Variants in AOPEP observed in about 807,000 individuals in gnomAD.
AOPEP encodes aminopeptidase O.
A neutral mutation model predicts 98.1 loss-of-function variants in AOPEP; 77 were observed. That is an observed-to-expected ratio of 0.78 (90% confidence interval 0.65 to 0.95). The LOEUF is 0.95. Among genes scored for constraint, AOPEP ranks in the 40% least tolerant of loss-of-function variants. The probability of loss-of-function intolerance (pLI) is 0.00; values close to 1 mark genes in which losing one functional copy is unlikely to be tolerated. For synonymous variants in AOPEP, 346 were observed against 365.3 expected, an observed-to-expected ratio of 0.95 and a Z score of 0.60; for missense variants, 1,024 against 1,024.7, an observed-to-expected ratio of 1.00 and a Z score of 0.01.
At chr9:95,079,799 C>T (rs758249666) in intron 14 of AOPEP, among the ~76,000 whole-genome samples, 2 of 152,198 alleles carry the variant, frequency 1.3e-5, no homozygotes, top group Non-Finnish European at 1.5e-5. Flanking sequence ...GAACAGCATC[C>T]ACCTTTAGCT....
At chr9:94,907,417 C>G (rs1000031140) in intron 5 of AOPEP, among the ~76,000 whole-genome samples, 13 of 152,178 alleles carry the variant, frequency 8.5e-5, no homozygotes, top group African/African-American at 2.9e-4. Context: ...GGAGAGCCGT[C>G]TTCTGTGTGT....
chr9:94,875,357 A>AAAAAAAAAAAAAAAAG (rs1564302020), intron 5 of AOPEP, among the ~76,000 whole-genome samples: 51 of 147,530 alleles, frequency 3.5e-4, no homozygotes, highest in Middle Eastern at 3.5e-3. Context: ...GAAAAAAAAA[A>AAAAAAAAAAAAAAAAG]AAAAAAAAAA....
intron 1 of AOPEP, among the ~76,000 whole-genome samples, chr9:94,727,290 C>G (rs12553916): frequency 0.052 from 7,893 of 152,224 alleles, 232 homozygotes; most frequent in Admixed American, 0.077. Context: ...TGAACGCATG[C>G]ATGGGCGGGG....
chr9:94,861,094 G>A (rs1564277142), intron 5 of AOPEP, among the ~76,000 whole-genome samples: 1 of 152,218 alleles, frequency 6.6e-6, no homozygotes, highest in Non-Finnish European at 1.5e-5. Context: ...AGCTGGATCT[G>A]CTTCAGAGGG....
At chr9:94,774,680 A>T (rs532994982) in intron 3 of AOPEP, among the ~76,000 whole-genome samples, 1 of 152,188 alleles carries the variant, frequency 6.6e-6, no homozygotes, top group African/African-American at 2.4e-5. Flanking sequence ...GTTATAAATA[A>T]AGTTGCATTA....
At chr9:94,947,512 G>T (rs1409401165) in intron 7 of AOPEP, among the ~76,000 whole-genome samples, 4 of 152,172 alleles carry the variant, frequency 2.6e-5, no homozygotes, top group Admixed American at 6.5e-5. Flanking sequence ...GAAATGCTGA[G>T]ATTACAGGCT....
chr9:95,026,141 T>C (rs915419956), intron 13 of AOPEP, among the ~76,000 whole-genome samples: 2 of 152,204 alleles, frequency 1.3e-5, no homozygotes, highest in Non-Finnish European at 1.5e-5. Flanking sequence ...GAATATAGAT[T>C]TAACACTTCA....
At chr9:94,733,009 T>C (rs988692708) in intron 1 of AOPEP, among the ~76,000 whole-genome samples, 2 of 152,176 alleles carry the variant, frequency 1.3e-5, no homozygotes, top group African/African-American at 4.8e-5. Flanking sequence ...TTTTTTGTTT[T>C]GGAACATGGC....
chr9:95,144,178 T>C, the AOPEP span, among the ~76,000 whole-genome samples: 4 of 152,180 alleles, frequency 2.6e-5, no homozygotes, highest in African/African-American at 9.7e-5. Flanking sequence ...ATTGATTGGA[T>C]CAGCCTCGCT....
chr9:94,955,139 G>A lies in AOPEP; in HGVS notation c.1662-38G>A, dbSNP rs745774058. ...TATTATGACCTAATTACTTAAGAATGTGCTATACTTAAATAAATTGTTACT... is the reference window on the plus strand; with the variant it reads ...TATTATGACCTAATTACTTAAGAATATGCTATACTTAAATAAATTGTTACT... On this transcript the variant is annotated intron_variant, in intron 7 of 16. Transcript: ENST00000375315. 27 of 1,170,958 alleles carry A rather than the reference G, an allele frequency of 2.3e-5. No homozygotes were observed. In the South Asian group the frequency reaches 3.2e-4, roughly 14 times the overall value. The allele number at this position is 1,170,958 out of a possible 1,614,324, so 72.5% of individuals were successfully genotyped here. A position where few individuals can be genotyped will look rare whatever the true frequency, so the allele number is the denominator to read the frequency against.
At chr9:95,054,107 TCC>T (rs2066621847) in intron 13 of AOPEP, among the ~76,000 whole-genome samples, 1 of 152,230 alleles carries the variant, frequency 6.6e-6, no homozygotes, top group Admixed American at 6.5e-5. Flanking sequence ...TTTAAAGTAT[TCC>T]AATTTCTTTA....
chr9:94,856,095 C>G (rs910996897), intron 5 of AOPEP, among the ~76,000 whole-genome samples: 1 of 152,176 alleles, frequency 6.6e-6, no homozygotes, highest in Non-Finnish European at 1.5e-5. Context: ...CAGCAGAGAG[C>G]TTAATGGCCC....
At chr9:95,031,124 G>A (rs2064261266) in intron 13 of AOPEP, among the ~76,000 whole-genome samples, 1 of 152,158 alleles carries the variant, frequency 6.6e-6, no homozygotes, top group African/African-American at 2.4e-5. Context: ...TACCCTGGGT[G>A]TGCAGTCACA....
In AOPEP at chr9:94,934,801, CCTCCAT is replaced by C. The variant is rs1170093856; in HGVS notation, c.1661+6275_1661+6280del. Reference sequence around the variant, plus strand: ...ATTCTTCTTGCCCTCTGTCATTCCTCCTCCATCTCCTTCGAGGTCTGCCCTTTGCCT... The same window carrying C: ...ATTCTTCTTGCCCTCTGTCATTCCTCCTCCTTCGAGGTCTGCCCTTTGCCT... On this transcript the variant is annotated intron_variant, in intron 7 of 16. Transcript: ENST00000375315. 3.9e-5 allele frequency: 6 copies of C among 152,430 alleles called. 1 individual carries two copies. Among genetic ancestry groups the C allele is most frequent in the Non-Finnish European group, 8.8e-5 (6 of 68,264 alleles). 9.4% of individuals were successfully genotyped at this position (152,430 alleles called of 1,614,324 possible).
At chr9:94,956,535 A>G (rs1474096196) in intron 9 of AOPEP, among the ~76,000 whole-genome samples, 1 of 152,236 alleles carries the variant, frequency 6.6e-6, no homozygotes, top group Non-Finnish European at 1.5e-5. Flanking sequence ...CTATTTCACC[A>G]GTACTTAGCA....
intron 4 of AOPEP, among the ~76,000 whole-genome samples, 186 bp from the exon 5 acceptor site, chr9:94,800,571 G>A (rs955420324): frequency 3.3e-5 from 5 of 152,064 alleles, no homozygotes; most frequent in African/African-American, 7.2e-5. Context: ...ACATGAATAC[G>A]TTTTTGTCCT....
intron 16 of AOPEP, among the ~76,000 whole-genome samples, chr9:95,085,722 A>C (rs1454122432): frequency 3.3e-5 from 5 of 152,226 alleles, no homozygotes; most frequent in Non-Finnish European, 5.9e-5. Flanking sequence ...AAGTCTGTCC[A>C]CAGAAACATG....
intron 14 of AOPEP, among the ~76,000 whole-genome samples, chr9:95,078,638 A>T (rs186827443): frequency 1.3e-5 from 2 of 152,372 alleles, no homozygotes; most frequent in East Asian, 3.9e-4. Context: ...TGTCGCTCCC[A>T]TCCATATGTG....
At position 94,995,400 on chromosome 9, in the gene AOPEP, C is replaced by T. The variant is rs116317860; in HGVS notation, c.1978-9758C>T. Among the ~76,000 whole-genome samples, 484 of 152,202 alleles carry T rather than the reference C, an allele frequency of 3.2e-3. 3 individuals carry two copies. Among genetic ancestry groups the T allele is most frequent in the African/African-American group, 0.011 (452 of 41,526 alleles). ...ACAGCATTATCTCTGTTTCATAGCT[C>T]AGAGAGGTTGTGTGACATGCACGTC... is the stretch of plus-strand genomic sequence containing the variant. On this transcript the variant is annotated intron_variant, in intron 11 of 16. Coordinates refer to ENST00000375315, the MANE Select transcript of AOPEP (RefSeq NM_001193329.3).
Sources: allele counts gnomAD v4.1 joint callset (sites outside exome capture counted in the v4.1 genomes callset), GRCh38; gene constraint gnomAD v4.1.1; transcripts MANE v1.5; gene names NCBI Gene and HGNC (gene_info 2026-07-23, HGNC 2026-07-21).